Variants in CCDC7 observed in about 807,000 individuals in gnomAD.
CCDC7 encodes the protein coiled-coil domain containing 7, also known as coiled-coil domain-containing protein 7.
A neutral mutation model predicts 196.9 loss-of-function variants in CCDC7; 183 were observed. That is an observed-to-expected ratio of 0.93 (90% confidence interval 0.82 to 1.05). The LOEUF (loss-of-function observed/expected upper bound fraction) is 1.05, where lower values mean the gene tolerates loss of function less well. Among genes scored for constraint, CCDC7 ranks in the 50% least tolerant of loss-of-function variants. The pLI, the probability that CCDC7 is intolerant of heterozygous loss-of-function variation, is 0.00. For missense variants in CCDC7, 1,540 were observed against 1,482.2 expected, an observed-to-expected ratio of 1.04 and a Z score of -0.64; for synonymous variants, 525 against 484.6, an observed-to-expected ratio of 1.08 and a Z score of -1.10.
At chr10:32,710,972 A>C (rs1447297698) in intron 24 of CCDC7, among the ~76,000 whole-genome samples, 34 of 152,300 alleles carry the variant, frequency 2.2e-4, no homozygotes, top group Admixed American at 2.2e-3. Context: ...ACATTGGGCA[A>C]AGGTAGGATG....
At chr10:32,646,354 T>A (rs2067768555) in intron 20 of CCDC7, among the ~76,000 whole-genome samples, 1 of 152,184 alleles carries the variant, frequency 6.6e-6, no homozygotes, top group African/African-American at 2.4e-5. Context: ...CCTTCTGTTA[T>A]TGATTCATAG....
chr10:32,652,451 G>A (rs184550516), intron 20 of CCDC7, among the ~76,000 whole-genome samples: 140 of 151,914 alleles, frequency 9.2e-4, no homozygotes, highest in African/African-American at 3.1e-3. Context: ...TTGATATTTT[G>A]TTGCTAATTT....
At position 32,873,674 on chromosome 10, in the gene CCDC7, A is replaced by T. The variant is rs147301035; in HGVS notation, c.4112-2673A>T. 4.9e-3 allele frequency among the ~76,000 whole-genome samples: 751 copies of T among 152,090 alleles called. 6 individuals carry two copies. The highest frequency in any genetic ancestry group is 0.017 in the African/African-American group (714 of 41,524). On this transcript the variant is annotated intron_variant, in intron 41 of 41. Transcript: ENST00000639629. ...TTTCACTTTTAGACTATTTTGAATGATGCTGCTATGAACATTCATGTGACA... is the reference window on the plus strand; with the variant it reads ...TTTCACTTTTAGACTATTTTGAATGTTGCTGCTATGAACATTCATGTGACA...
chr10:32,870,748 C>G (rs2094397322), intron 41 of CCDC7, among the ~76,000 whole-genome samples: 1 of 152,126 alleles, frequency 6.6e-6, no homozygotes, highest in South Asian at 2.1e-4. Flanking sequence ...ATAGATAGCT[C>G]TGATTATTTT....
intron 32 of CCDC7, among the ~76,000 whole-genome samples, chr10:32,832,297 G>C (rs140042854): frequency 6.6e-6 from 1 of 152,028 alleles, no homozygotes; most frequent in African/African-American, 2.4e-5. Context: ...TGAGGTCAGT[G>C]GTTCAAGACC....
chr10:32,670,907 G>A (rs931839426), intron 21 of CCDC7, among the ~76,000 whole-genome samples: 1 of 151,882 alleles, frequency 6.6e-6, no homozygotes, highest in Admixed American at 6.6e-5. Flanking sequence ...ACATTAGGTT[G>A]TTTATTTGGG....
intron 2 of CCDC7, among the ~76,000 whole-genome samples, chr10:32,454,245 A>G (rs1426203560): frequency 1.3e-5 from 2 of 152,148 alleles, no homozygotes; most frequent in Non-Finnish European, 2.9e-5. Flanking sequence ...AATGATGGAA[A>G]TGTTTTATAT....
At chr10:32,564,792 T>TA (rs1276527746) in intron 13 of CCDC7, among the ~76,000 whole-genome samples, 6 of 151,762 alleles carry the variant, frequency 4.0e-5, no homozygotes, top group Middle Eastern at 3.4e-3. Flanking sequence ...CCCTAAAACT[T>TA]AAAGTATAAA....
intron 9 of CCDC7, among the ~76,000 whole-genome samples, chr10:32,494,985 G>A (rs1297725050): frequency 6.6e-6 from 1 of 152,166 alleles, no homozygotes; most frequent in African/African-American, 2.4e-5. Context: ...CTTCCACAAT[G>A]GTTGAACTAA....
intron 31 of CCDC7, among the ~76,000 whole-genome samples, chr10:32,823,552 G>T (rs367606133): frequency 2.1e-4 from 32 of 152,222 alleles, no homozygotes; most frequent in African/African-American, 7.2e-4. Flanking sequence ...CATTAATAAT[G>T]GGCTCAGCCA....
chr10:32,502,764 G>A (rs2044274456), intron 9 of CCDC7, among the ~76,000 whole-genome samples: 1 of 152,188 alleles, frequency 6.6e-6, no homozygotes. Flanking sequence ...ACATTTTAAC[G>A]ATATTGTTTC....
chr10:32,500,255 C>T (rs931138746), intron 9 of CCDC7, among the ~76,000 whole-genome samples: 7 of 151,166 alleles, frequency 4.6e-5, no homozygotes, highest in Non-Finnish European at 7.4e-5. Flanking sequence ...CTGGACGGGG[C>T]GGCTGCCCGG....
intron 11 of CCDC7, among the ~76,000 whole-genome samples, chr10:32,537,516 T>A (rs1308425185): frequency 6.6e-6 from 1 of 152,204 alleles, no homozygotes; most frequent in Non-Finnish European, 1.5e-5. Flanking sequence ...CATTTGTTAA[T>A]TTTTGTTTTT....
chr10:32,675,575 C>G (rs78198477), intron 21 of CCDC7: 11,690 of 152,254 alleles, frequency 0.077, 544 homozygotes, highest in East Asian at 0.16. Context: ...ACATTATTTT[C>G]TGATTATCAA....
chr10:32,456,508 A>G, intron 3 of CCDC7, 174 bp downstream of exon 4: 1 of 497,056 alleles, frequency 2.0e-6, no homozygotes, highest in African/African-American at 2.0e-5. Context: ...TTTAATCATC[A>G]TCAAGGGTTT....
At chr10:32,636,214 T>C (rs1042526625) in intron 20 of CCDC7, among the ~76,000 whole-genome samples, 1 of 152,156 alleles carries the variant, frequency 6.6e-6, no homozygotes, top group Admixed American at 6.5e-5. Context: ...GGTTTTCATT[T>C]AGTTCTTTTT....
intron 24 of CCDC7, among the ~76,000 whole-genome samples, chr10:32,695,995 CT>C (rs61401274): frequency 0.9 from 133,797 of 148,790 alleles, 61,090 homozygotes; most frequent in East Asian, 1. Context: ...GCAATGAAGA[CT>C]TTTTTTTTTT....
chr10:32,694,505 C>T (rs2077460557), intron 23 of CCDC7, among the ~76,000 whole-genome samples: 1 of 152,192 alleles, frequency 6.6e-6, no homozygotes, highest in Non-Finnish European at 1.5e-5. Flanking sequence ...TTTATTCAAC[C>T]AGTCTCCTCT....
chr10:32,694,815 A>C, intron 23 of CCDC7, 64 bp from the exon 25 acceptor site: 1 of 945,996 alleles, frequency 1.1e-6, no homozygotes, highest in Non-Finnish European at 1.5e-6. Flanking sequence ...ACAAGTTTGA[A>C]ATCTAGAGAT....
Sources: gnomAD v4.1 joint callset for allele counts (sites outside exome capture counted in the v4.1 genomes callset) on GRCh38, gnomAD v4.1.1 for gene constraint, MANE v1.5 for transcripts, NCBI Gene and HGNC (gene_info 2026-07-23, HGNC 2026-07-21) for gene names.